The following FRMD4A variants were observed in gnomAD, a reference collection of about 807,000 sequenced individuals.
The protein encoded by FRMD4A is FERM domain containing 4A.
A neutral mutation model predicts 129.1 loss-of-function variants in FRMD4A; 29 were observed. The observed-to-expected ratio is 0.22, with a 90% CI of 0.17 to 0.31. The LOEUF (loss-of-function observed/expected upper bound fraction) is 0.31. Ranked by LOEUF, FRMD4A falls within the 10% of genes least tolerant of loss-of-function variation. FRMD4A has a pLI of 1.00. For synonymous variants in FRMD4A, 634 were observed against 571.6 expected (o/e 1.11, Z -1.56); for missense variants, 1,272 against 1,375.8 (o/e 0.92, Z 1.19).
chr10:13,926,760 A>G (rs2095138167), intron 2 of FRMD4A, among the ~76,000 whole-genome samples: 1 of 152,238 alleles, frequency 6.6e-6, no homozygotes, highest in Admixed American at 6.5e-5. Flanking sequence ...ACGACAATGT[A>G]CAAGGATACA....
At chr10:14,111,786 T>C (rs1285422823) in intron 2 of FRMD4A, among the ~76,000 whole-genome samples, 4 of 151,844 alleles carry the variant, frequency 2.6e-5, no homozygotes, top group Non-Finnish European at 4.4e-5. Flanking sequence ...TACAGGATTT[T>C]ATGACTAACT....
chr10:13,682,497 CTTTTTTT>C (rs1170963559), intron 15 of FRMD4A, among the ~76,000 whole-genome samples: 16 of 55,804 alleles, frequency 2.9e-4, no homozygotes, highest in African/African-American at 5.5e-4. Context: ...TTCTTTCTTT[CTTTTTTT>C]TTTTTTTTTT....
chr10:13,848,609 CGTGTGTGTGTGT>C (rs59271113), intron 3 of FRMD4A, among the ~76,000 whole-genome samples: 12 of 124,070 alleles, frequency 9.7e-5, no homozygotes, highest in Non-Finnish European at 1.6e-4. Flanking sequence ...TGTGTGTGTA[CGTGTGTGTGTGT>C]GTGTGTGTGT....
intron 2 of FRMD4A, among the ~76,000 whole-genome samples, chr10:13,889,934 T>G (rs1034571997): frequency 6.6e-6 from 1 of 152,214 alleles, no homozygotes; most frequent in Non-Finnish European, 1.5e-5. Context: ...GCTATTTAAC[T>G]TCTCAGGACC....
intron 2 of FRMD4A, among the ~76,000 whole-genome samples, chr10:14,110,251 T>C (rs1363868193): frequency 1.4e-5 from 2 of 147,630 alleles, no homozygotes; most frequent in Non-Finnish European, 3.0e-5. Flanking sequence ...CTGTCCAATA[T>C]AGAAGAAGGA....
chr10:14,205,061 C>CTT (rs57239612), intron 2 of FRMD4A, among the ~76,000 whole-genome samples: 1 of 97,542 alleles, frequency 1.0e-5, no homozygotes, highest in African/African-American at 3.0e-5. Flanking sequence ...TCTTTTCTTT[C>CTT]TTTTTTTTTT....
At chr10:13,719,890 GAC>G (rs1320443140) in intron 12 of FRMD4A, among the ~76,000 whole-genome samples, 9 of 152,126 alleles carry the variant, frequency 5.9e-5, no homozygotes, top group African/African-American at 1.2e-4. Flanking sequence ...TGGTGCTATG[GAC>G]AAAAATAAAA....
At chr10:13,912,235 G>A (rs1044189650) in intron 2 of FRMD4A, among the ~76,000 whole-genome samples, 2 of 152,134 alleles carry the variant, frequency 1.3e-5, no homozygotes, top group Non-Finnish European at 2.9e-5. Flanking sequence ...TAGCAGTGTT[G>A]GGGACAACAG....
At chr10:14,145,097 A>C (rs888158042) in intron 2 of FRMD4A, among the ~76,000 whole-genome samples, 1 of 152,240 alleles carries the variant, frequency 6.6e-6, no homozygotes, top group Non-Finnish European at 1.5e-5. Context: ...ATGAGCTTAC[A>C]TAGAAACAGA....
At chr10:14,214,207 G>A (rs1843009240) in intron 2 of FRMD4A, among the ~76,000 whole-genome samples, 1 of 152,168 alleles carries the variant, frequency 6.6e-6, no homozygotes, top group African/African-American at 2.4e-5. Flanking sequence ...ACTCATACAG[G>A]TGGTCCTCAG....
chr10:13,845,239 T>C (rs965647024), intron 3 of FRMD4A, among the ~76,000 whole-genome samples: 5 of 152,216 alleles, frequency 3.3e-5, no homozygotes, highest in Admixed American at 1.3e-4. Flanking sequence ...ATATATATTC[T>C]GCCTGTCATC....
intron 2 of FRMD4A, among the ~76,000 whole-genome samples, chr10:13,917,979 A>G (rs867957800): frequency 3.9e-5 from 6 of 152,234 alleles, no homozygotes; most frequent in Non-Finnish European, 4.4e-5. Flanking sequence ...AAATCACTCT[A>G]CAAAAAGTGA....
chr10:14,275,293 C>T (rs1564433389), intron 2 of FRMD4A, among the ~76,000 whole-genome samples: 1 of 152,006 alleles, frequency 6.6e-6, no homozygotes, highest in African/African-American at 2.4e-5. Flanking sequence ...TGCTCCCAAA[C>T]AGAATTAGAC....
intron 2 of FRMD4A, among the ~76,000 whole-genome samples, chr10:14,165,917 T>C (rs1841150833): frequency 6.6e-6 from 1 of 152,178 alleles, no homozygotes; most frequent in Non-Finnish European, 1.5e-5. Flanking sequence ...TGTCCACTAT[T>C]TGATTGACAG....
intron 2 of FRMD4A, among the ~76,000 whole-genome samples, chr10:13,988,218 G>T (rs189070301): frequency 6.6e-6 from 1 of 152,194 alleles, no homozygotes; most frequent in African/African-American, 2.4e-5. Context: ...CTCCCATTTG[G>T]TCATGTAGGA....
At chr10:13,797,707 C>G (rs988057497) in intron 4 of FRMD4A, among the ~76,000 whole-genome samples, 2 of 152,218 alleles carry the variant, frequency 1.3e-5, no homozygotes, top group Non-Finnish European at 2.9e-5. Flanking sequence ...ACAGACCCAA[C>G]TGACCCCACT....
At chr10:14,028,365 T>G (rs1267216345) in intron 2 of FRMD4A, among the ~76,000 whole-genome samples, 2 of 152,282 alleles carry the variant, frequency 1.3e-5, no homozygotes, top group East Asian at 1.9e-4. Flanking sequence ...CATTATTTTT[T>G]CTTGGGAAAT....
intron 12 of FRMD4A, among the ~76,000 whole-genome samples, chr10:13,713,102 G>C (rs968317333): frequency 6.6e-6 from 1 of 152,158 alleles, no homozygotes; most frequent in South Asian, 2.1e-4. Flanking sequence ...GGAGAACCTC[G>C]TCTTCCCCCG....
intron 2 of FRMD4A, 142 bp from the exon 3 acceptor site, chr10:13,859,054 T>C: frequency 1.5e-6 from 1 of 672,026 alleles, no homozygotes; most frequent in Non-Finnish European, 2.7e-6. Flanking sequence ...TGCCAGGAGT[T>C]GGAAGGATCA....
Sources: gnomAD v4.1 joint callset for allele counts (sites outside exome capture counted in the v4.1 genomes callset) on GRCh38, gnomAD v4.1.1 for gene constraint, MANE v1.5 for transcripts, NCBI Gene and HGNC (gene_info 2026-07-23, HGNC 2026-07-21) for gene names.